The following PDHX variants were observed in gnomAD, a reference collection of about 807,000 sequenced individuals.
PDHX encodes pyruvate dehydrogenase complex component X, also known as pyruvate dehydrogenase protein X component, mitochondrial.
Under a neutral mutation model 55.3 loss-of-function variants are expected in PDHX, and 33 were observed. The ratio of observed to expected loss-of-function variants is 0.60; its 90% confidence interval spans 0.45 to 0.80. The LOEUF is 0.80. Ranked by LOEUF, PDHX falls within the 30% of genes least tolerant of loss-of-function variation. The probability of loss-of-function intolerance (pLI) is 0.00; values close to 1 mark genes in which losing one functional copy is unlikely to be tolerated. For missense variants in PDHX, 622 were observed against 619.9 expected (o/e 1.00, Z -0.04); for synonymous variants, 226 against 219.4 (o/e 1.03, Z -0.27).
chr11:34,976,792 G>A (rs1565167153), intron 7 of PDHX, among the ~76,000 whole-genome samples: 1 of 152,138 alleles, frequency 6.6e-6, no homozygotes. Context: ...TGTGGACTTA[G>A]GTGGTAGGTT....
chr11:34,941,048 A>G (rs1410685674), intron 2 of PDHX, among the ~76,000 whole-genome samples: 1 of 148,158 alleles, frequency 6.7e-6, no homozygotes, highest in East Asian at 2.0e-4. Context: ...TTCTGTGTTA[A>G]ACTGTCGAAT....
At chr11:34,945,423 T>C (rs555369316) in intron 2 of PDHX, among the ~76,000 whole-genome samples, 24 of 152,340 alleles carry the variant, frequency 1.6e-4, no homozygotes, top group African/African-American at 5.5e-4. Context: ...AGATCTTTAA[T>C]AGGTGGTAAA....
At chr11:34,948,270 A>G (rs933003659) in intron 3 of PDHX, among the ~76,000 whole-genome samples, 10 of 152,196 alleles carry the variant, frequency 6.6e-5, no homozygotes, top group African/African-American at 2.4e-4. Flanking sequence ...GGTGACCATT[A>G]GTCCCCAAGT....
At chr11:34,924,069 A>G (rs550892447) in intron 1 of PDHX, among the ~76,000 whole-genome samples, 1 of 152,340 alleles carries the variant, frequency 6.6e-6, no homozygotes, top group African/African-American at 2.4e-5. Flanking sequence ...GAACTGTGAT[A>G]TTCTACAATA....
chr11:34,957,067 A>G (rs1433518676), intron 3 of PDHX, among the ~76,000 whole-genome samples: 1 of 152,214 alleles, frequency 6.6e-6, no homozygotes, highest in East Asian at 1.9e-4. Flanking sequence ...TTGGATTTGT[A>G]TTGACATCAA....
rs962612573 is a variant in PDHX at position 34,931,271 on chromosome 11, G to T, written c.161-133G>T. On this transcript the variant is annotated intron_variant, in intron 1 of 10. Transcript: ENST00000227868. The stretch of plus-strand genomic sequence containing the variant: ...AATTTACTGGAGACTTAGTTTACCA[G>T]TTGGGAATCTTTTAGACTTTGGAAT... 1.9e-5 allele frequency: 13 copies of T among 669,090 alleles called. No individual in the cohort carries two copies. In the African/African-American group the frequency reaches 2.4e-4, roughly 12 times the overall value. The allele number at this position is 669,090 out of a possible 1,614,324, so 41.4% of individuals were successfully genotyped here.
chr11:34,943,178 A>G (rs1226594463), intron 2 of PDHX, among the ~76,000 whole-genome samples: 3 of 152,232 alleles, frequency 2.0e-5, no homozygotes, highest in Non-Finnish European at 4.4e-5. Flanking sequence ...GAAGAAGCTC[A>G]TAGTCTAGTA....
intron 2 of PDHX, among the ~76,000 whole-genome samples, chr11:34,932,470 C>T (rs551733908): frequency 1.8e-4 from 28 of 152,268 alleles, no homozygotes; most frequent in Middle Eastern, 6.8e-3. Context: ...GACTCTTACA[C>T]GTAGAAAAAG....
upstream of PDHX, chr11:34,916,310 C>T: frequency 1.2e-6 from 2 of 1,610,226 alleles, no homozygotes; most frequent in Non-Finnish European, 1.7e-6. Context: ...CCCGCGCGGC[C>T]TCCAATCTCC....
chr11:34,928,337 GC>G (rs1854072163), intron 1 of PDHX, among the ~76,000 whole-genome samples: 1 of 150,856 alleles, frequency 6.6e-6, no homozygotes, highest in Admixed American at 6.6e-5. Context: ...ATAATGCCTG[GC>G]TTGAACTTTT....
intron 1 of PDHX, among the ~76,000 whole-genome samples, chr11:34,918,320 CCAG>C (rs1853790300): frequency 6.6e-6 from 1 of 151,902 alleles, no homozygotes; most frequent in Non-Finnish European, 1.5e-5. Flanking sequence ...TGCTGGCATC[CCAG>C]CTACTCCAGG....
intron 4 of PDHX, among the ~76,000 whole-genome samples, chr11:34,960,206 AT>A (rs1854993965): frequency 6.6e-6 from 1 of 152,240 alleles, no homozygotes; most frequent in Admixed American, 6.5e-5. Flanking sequence ...TTAAAATCAT[AT>A]TTAGAAATAG....
intron 5 of PDHX, 43 bp downstream of exon 5, chr11:34,960,561 A>G (rs1358738602): frequency 3.5e-6 from 4 of 1,154,572 alleles, no homozygotes; most frequent in Non-Finnish European, 5.2e-6. Context: ...ATTATTTATT[A>G]TGATCATGTT....
At chr11:34,968,981 C>G (rs1052124686) in intron 6 of PDHX, among the ~76,000 whole-genome samples, 39 of 152,144 alleles carry the variant, frequency 2.6e-4, no homozygotes, top group African/African-American at 9.4e-4. Flanking sequence ...AAAAGTGATA[C>G]ACATTCAGTA....
chr11:34,990,999 A>G (rs554198912), intron 9 of PDHX, among the ~76,000 whole-genome samples: 32 of 150,242 alleles, frequency 2.1e-4, no homozygotes, highest in Non-Finnish European at 3.8e-4. Flanking sequence ...CTTCCTCTTA[A>G]GTTAATTCGT....
intron 3 of PDHX, among the ~76,000 whole-genome samples, chr11:34,955,312 T>C (rs887932537): frequency 1.3e-5 from 2 of 152,212 alleles, no homozygotes; most frequent in African/African-American, 2.4e-5. Flanking sequence ...ACACCAGTTT[T>C]GAGTATTTGC....
At chr11:34,935,663 TA>T (rs1393689093) in intron 2 of PDHX, among the ~76,000 whole-genome samples, 2 of 152,174 alleles carry the variant, frequency 1.3e-5, no homozygotes, top group African/African-American at 4.8e-5. Context: ...CTACAGTACC[TA>T]TTAGGGATTG....
Position 34,970,287 on chromosome 11 carries a change from G to T in PDHX, c.964+1G>T, listed in dbSNP as rs1855230955. The T allele has an allele frequency of 5.6e-6, 9 of 1,612,394 alleles. No homozygotes were observed. Among genetic ancestry groups the T allele is most frequent in the Non-Finnish European group, 7.6e-6 (9 of 1,178,618 alleles). On this transcript the variant is annotated splice_donor_variant, in intron 7 of 10. Transcript: ENST00000227868. LOFTEE classifies it high-confidence loss of function. ...AAAGTTAGGCAAGATCTGGTCAAAG[G>T]TTAGTAAAATTGAATTTACTTAATA...
chr11:34,988,205 T>G (rs1321928517), intron 9 of PDHX, among the ~76,000 whole-genome samples: 1 of 152,194 alleles, frequency 6.6e-6, no homozygotes, highest in African/African-American at 2.4e-5. Context: ...TCTAGAAGTA[T>G]TTGTACTGCT....
Sources: allele counts gnomAD v4.1 joint callset (sites outside exome capture counted in the v4.1 genomes callset), GRCh38; gene constraint gnomAD v4.1.1; transcripts MANE v1.5; gene names NCBI Gene and HGNC (gene_info 2026-07-23, HGNC 2026-07-21).